The following RNF17 variants were observed in gnomAD, a reference collection of about 807,000 sequenced individuals.
RNF17 encodes ring finger protein 17.
A neutral mutation model predicts 200.5 loss-of-function variants in RNF17; 31 were observed. The observed-to-expected ratio is 0.15, with a 90% CI of 0.12 to 0.21. RNF17 has a LOEUF of 0.21. Among genes scored for constraint, RNF17 ranks in the 10% least tolerant of loss-of-function variants. The pLI, the probability that RNF17 is intolerant of heterozygous loss-of-function variation, is 1.00. For synonymous variants in RNF17, 606 were observed against 637.8 expected, an observed-to-expected ratio of 0.95 and a Z score of 0.75; for missense variants, 1,628 against 1,905.1, an observed-to-expected ratio of 0.85 and a Z score of 2.71.
At chr13:24,751,137 T>C in the RNF17 span, 29 of 152,244 alleles carry the variant, frequency 1.9e-4, no homozygotes, top group African/African-American at 7.0e-4. Flanking sequence ...ATGTGTTCGC[T>C]TTTTGACCTT....
chr13:24,874,202 A>G lies in RNF17; in HGVS notation c.4536A>G (p.Leu1512=). The G allele has an allele frequency of 6.2e-7, 1 of 1,609,624 alleles. No individual in the cohort carries two copies. The highest frequency in any genetic ancestry group is 8.5e-7 in the Non-Finnish European group (1 of 1,177,990). The change falls in exon 33 of 36, where the codon TTA becomes TTG. Residue 1512 remains leucine (L), a synonymous_variant. Coordinates refer to ENST00000255324, the MANE Select transcript of RNF17 (RefSeq NM_031277.3). ...AAGAATTTAATCCTTTATCTATCTT[A>G]GTACAATTTGTTGATTATGGATCAA... ...AIKEFNPLSI[L]VQFVDYGSTA... is the part of the protein sequence containing the mutation.
At chr13:24,798,813 TG>T (rs915299932) in intron 11 of RNF17, among the ~76,000 whole-genome samples, 1 of 152,152 alleles carries the variant, frequency 6.6e-6, no homozygotes, top group African/African-American at 2.4e-5. Flanking sequence ...GTAATCCAAC[TG>T]GTCCCTACAA....
chr13:24,856,694 C>T (rs2138271583), intron 25 of RNF17, among the ~76,000 whole-genome samples: 1 of 152,266 alleles, frequency 6.6e-6, no homozygotes, highest in Admixed American at 6.5e-5. Flanking sequence ...CGAGTTGTTT[C>T]TGAACTTTCT....
At chr13:24,840,868 A>G in intron 18 of RNF17, among the ~76,000 whole-genome samples, 1 of 152,286 alleles carries the variant, frequency 6.6e-6, no homozygotes, top group South Asian at 2.1e-4. Context: ...TACCACGTGT[A>G]CCCCTATAAC....
At chr13:24,847,428 C>A (rs1217733182) in intron 22 of RNF17, among the ~76,000 whole-genome samples, 4 of 151,458 alleles carry the variant, frequency 2.6e-5, no homozygotes, top group Non-Finnish European at 4.4e-5. Context: ...TCACCGCAAC[C>A]TTTGCCTCCC....
the RNF17 span, among the ~76,000 whole-genome samples, chr13:24,749,307 C>CTTTCTTTCTTTCTTTCTTTTTTT: frequency 1.9e-5 from 2 of 108,032 alleles, no homozygotes; most frequent in Admixed American, 1.2e-4. Context: ...TTCTTTCTTT[C>CTTTCTTTCTTTCTTTCTTTTTTT]TTTTTTTTTT....
In RNF17 at chr13:24,797,714, G is replaced by C. The variant is rs894522950; in HGVS notation, c.1399+1419G>C. ...AGAGAGAGAGACAAAGAGTGTGTGTGTGTGTGTGTGTGTGTGTGTGTGTGT... is the reference window on the plus strand; with the variant it reads ...AGAGAGAGAGACAAAGAGTGTGTGTCTGTGTGTGTGTGTGTGTGTGTGTGT... On this transcript the variant is annotated intron_variant, in intron 11 of 35. Transcript: ENST00000255324. Among the ~76,000 whole-genome samples the C allele has an allele frequency of 1.6e-3, 230 of 146,530 alleles. 1 individual carries two copies. Among genetic ancestry groups the C allele is most frequent in the Admixed American group, 3.5e-3 (51 of 14,562 alleles).
intron 18 of RNF17, among the ~76,000 whole-genome samples, chr13:24,838,055 A>G (rs1024140780): frequency 3.3e-5 from 5 of 152,194 alleles, no homozygotes; most frequent in African/African-American, 1.2e-4. Flanking sequence ...CAAGGCTGCT[A>G]TGAACACTTC....
At chr13:24,873,993 A>G (rs369720968) in intron 32 of RNF17, 121 bp from the exon 33 acceptor site, 23 of 918,374 alleles carry the variant, frequency 2.5e-5, no homozygotes, top group African/African-American at 1.9e-4. Context: ...TATCTTGGCT[A>G]TTGTGAATAG....
chr13:24,769,944 T>C (rs1429954957), intron 2 of RNF17, among the ~76,000 whole-genome samples: 1 of 152,190 alleles, frequency 6.6e-6, no homozygotes. Context: ...TTAATCTTTC[T>C]GTAATTTTGC....
intron 14 of RNF17, among the ~76,000 whole-genome samples, chr13:24,802,854 C>T (rs1194919237): frequency 6.6e-6 from 1 of 152,054 alleles, no homozygotes; most frequent in African/African-American, 2.4e-5. Flanking sequence ...AGTTTGAGAC[C>T]AGGCTGGGCA....
At chr13:24,853,028 C>T (rs1361018478) in intron 24 of RNF17, among the ~76,000 whole-genome samples, 3 of 152,222 alleles carry the variant, frequency 2.0e-5, no homozygotes, top group Non-Finnish European at 4.4e-5. Flanking sequence ...ATTCTCGCAC[C>T]TCAGCCTCCC....
At chr13:24,830,002 A>G (rs561961127) in intron 16 of RNF17, among the ~76,000 whole-genome samples, 7 of 152,348 alleles carry the variant, frequency 4.6e-5, no homozygotes, top group African/African-American at 1.7e-4. Flanking sequence ...TGCTTTTTAA[A>G]TAGGCGAATC....
chr13:24,812,686 T>C (rs1194540338), intron 15 of RNF17, among the ~76,000 whole-genome samples: 1,317 of 12,902 alleles, frequency 0.1, 99 homozygotes, highest in South Asian at 0.21. Flanking sequence ...CCCACCCCCT[T>C]TTTTTTTTTT....
At chr13:24,844,609 A>G (rs767301578) in intron 20 of RNF17, 43 bp from the exon 21 acceptor site, 3 of 1,444,732 alleles carry the variant, frequency 2.1e-6, no homozygotes, top group Admixed American at 2.0e-5. Flanking sequence ...AGAGAATTAT[A>G]TAAGAAAAGG....
chr13:24,860,028 T>G (rs1892940548), intron 26 of RNF17, among the ~76,000 whole-genome samples: 1 of 152,052 alleles, frequency 6.6e-6, no homozygotes, highest in South Asian at 2.1e-4. Flanking sequence ...TCTTACACTT[T>G]TTCTATTGAA....
chr13:24,886,620 G>A, the RNF17 span, among the ~76,000 whole-genome samples: 1 of 152,192 alleles, frequency 6.6e-6, no homozygotes, highest in Non-Finnish European at 1.5e-5. Context: ...ACAAGGCTCT[G>A]GGGATAGCAG....
chr13:24,850,427 T>C lies in RNF17; in HGVS notation c.3188T>C (p.Leu1063Ser), dbSNP rs749305049. Residue 1063 changes from leucine to serine, a missense_variant, in exon 23 of 36, where the codon TTA (leucine) becomes TCA (serine). Transcript: ENST00000255324. Reference sequence around the variant, plus strand: ...ACTGGAGCTGTAGCAACTATAATCTTACAGGTGGATAGTGAGGTAACAAGT... The same window carrying C: ...ACTGGAGCTGTAGCAACTATAATCTCACAGGTGGATAGTGAGGTAACAAGT... ...YLTGAVATII[L>S]QVDSEENNTT... 1.9e-6 allele frequency: 3 copies of C among 1,608,632 alleles called. No individual in the cohort carries two copies. The South Asian group carries it at 3.3e-5, about 18-fold the overall frequency.
intron 9 of RNF17, among the ~76,000 whole-genome samples, chr13:24,792,010 C>A (rs1764636343): frequency 6.6e-6 from 1 of 152,160 alleles, no homozygotes; most frequent in Non-Finnish European, 1.5e-5. Context: ...GAATACCAGT[C>A]CTTCGGCTCA....
Sources: allele counts gnomAD v4.1 joint callset (sites outside exome capture counted in the v4.1 genomes callset), GRCh38; gene constraint gnomAD v4.1.1; transcripts MANE v1.5; gene names NCBI Gene and HGNC (gene_info 2026-07-23, HGNC 2026-07-21).